FBXL13: variants seen among roughly 807,000 people sequenced by gnomAD.
FBXL13 encodes the protein F-box and leucine-rich repeat protein 13.
In FBXL13, 67 loss-of-function variants were observed where a neutral mutation model predicts 83.6. The ratio of observed to expected loss-of-function variants is 0.80; its 90% CI spans 0.66 to 0.98. The LOEUF is 0.98. FBXL13 is among the 50% of genes least tolerant of loss of function. FBXL13 has a pLI of 0.00. For missense variants in FBXL13, 822 were observed against 866.5 expected, an observed-to-expected ratio of 0.95 and a Z score of 0.64; for synonymous variants, 272 against 299.5, an observed-to-expected ratio of 0.91 and a Z score of 0.95.
intron 17 of FBXL13, among the ~76,000 whole-genome samples, chr7:102,848,697 T>C (rs1353449900): frequency 6.9e-6 from 1 of 144,946 alleles, no homozygotes; most frequent in African/African-American, 2.5e-5. Context: ...ATTAAGAGTA[T>C]AAAAAGCAAC....
At chr7:102,930,146 T>C (rs1291707333) in intron 9 of FBXL13, among the ~76,000 whole-genome samples, 2 of 152,074 alleles carry the variant, frequency 1.3e-5, no homozygotes, top group Non-Finnish European at 2.9e-5. Context: ...GAGTAGAATT[T>C]TGAAAGAAAA....
chr7:102,922,977 C>T (rs1418732540), intron 10 of FBXL13, among the ~76,000 whole-genome samples: 1 of 150,676 alleles, frequency 6.6e-6, no homozygotes, highest in Non-Finnish European at 1.5e-5. Flanking sequence ...GACTCCGTCT[C>T]AACAAAAAAA....
At chr7:103,069,309 C>T (rs371283632) in intron 1 of FBXL13, among the ~76,000 whole-genome samples, 1 of 152,230 alleles carries the variant, frequency 6.6e-6, no homozygotes, top group African/African-American at 2.4e-5. Context: ...CGCCTTTGCC[C>T]GGCCGTTGTG....
intron 6 of FBXL13, among the ~76,000 whole-genome samples, chr7:102,976,792 T>C (rs1827535154): frequency 6.6e-6 from 1 of 152,200 alleles, no homozygotes; most frequent in Non-Finnish European, 1.5e-5. Flanking sequence ...ACTCCCCTTT[T>C]AACACACCAA....
intron 6 of FBXL13, among the ~76,000 whole-genome samples, chr7:102,969,820 G>GGAGGAGAGGA (rs560682044): frequency 7.8e-6 from 1 of 128,010 alleles, no homozygotes; most frequent in Non-Finnish European, 1.7e-5. Context: ...GAAAGGAAAG[G>GGAGGAGAGGA]GAGGAGAGGG....
intron 7 of FBXL13, among the ~76,000 whole-genome samples, chr7:102,966,146 C>G (rs897347870): frequency 2.6e-5 from 4 of 152,210 alleles, no homozygotes; most frequent in African/African-American, 7.2e-5. Flanking sequence ...TTCATCTTAC[C>G]AAACCTATCT....
chr7:103,033,309 A>G (rs570312803), intron 2 of FBXL13, among the ~76,000 whole-genome samples: 17 of 152,350 alleles, frequency 1.1e-4, no homozygotes, highest in African/African-American at 4.1e-4. Flanking sequence ...CTGCAGGCAG[A>G]ATCCAAAAGA....
chr7:103,050,272 T>C lies in FBXL13; in HGVS notation c.-1+5372A>G, dbSNP rs192969181. On this transcript the variant is annotated intron_variant, in intron 2 of 19. Transcript: ENST00000313221. The stretch of plus-strand genomic sequence containing the variant: ...AAAAAGAGGAAAAAAGCCAGAAATA[T>C]GACTGGTAAGAAATTCTTACCCTTT... Among the ~76,000 whole-genome samples, 109 of 152,296 alleles carry C rather than the reference T, an allele frequency of 7.2e-4. 4 individuals are homozygous for C. The East Asian group carries it at 0.012, about 16-fold the overall frequency.
At chr7:102,947,778 T>A (rs2129476608) in intron 8 of FBXL13, among the ~76,000 whole-genome samples, 1 of 146,714 alleles carries the variant, frequency 6.8e-6, no homozygotes, top group Middle Eastern at 3.5e-3. Context: ...GATATTTGGA[T>A]AAAATAAGTT....
At chr7:102,985,158 C>CCACA (rs1363874725) in intron 6 of FBXL13, among the ~76,000 whole-genome samples, 1 of 152,188 alleles carries the variant, frequency 6.6e-6, no homozygotes, top group Admixed American at 6.5e-5. Flanking sequence ...GGCTTCATAC[C>CCACA]CACACCACTG....
Position 102,934,488 on chromosome 7 carries a change from G to A in FBXL13, c.725-2555C>T, listed in dbSNP as rs200668231. 6.2e-6 allele frequency: 10 copies of A among 1,614,148 alleles called. No individual in the cohort carries two copies. The East Asian group carries it at 2.0e-4, about 32-fold the overall frequency. Reference sequence around the variant, plus strand: ...CGGAATTTGGGGAACTACGCCAAGTGTGAAAGTCCACAAGAACAAAAAAAT... The same window carrying A: ...CGGAATTTGGGGAACTACGCCAAGTATGAAAGTCCACAAGAACAAAAAAAT... On this transcript the variant is annotated intron_variant, in intron 8 of 19. Transcript: ENST00000313221.
At chr7:102,914,053 C>A (rs1413642159) in intron 10 of FBXL13, among the ~76,000 whole-genome samples, 2 of 152,168 alleles carry the variant, frequency 1.3e-5, no homozygotes, top group South Asian at 4.1e-4. Flanking sequence ...ATTTCCCAAG[C>A]CCTCCAAAGC....
At chr7:102,909,443 C>G (rs932638835) in intron 11 of FBXL13, among the ~76,000 whole-genome samples, 2 of 152,090 alleles carry the variant, frequency 1.3e-5, no homozygotes, top group Non-Finnish European at 2.9e-5. Context: ...ACTGCTTTTC[C>G]CTCGCAAGCA....
At chr7:102,817,627 T>A (rs1050875458) in intron 19 of FBXL13, among the ~76,000 whole-genome samples, 2 of 152,210 alleles carry the variant, frequency 1.3e-5, no homozygotes, top group Non-Finnish European at 2.9e-5. Flanking sequence ...AAGTTAAAAA[T>A]GTAGAAACTA....
chr7:102,934,480 C>T (rs1030917042), intron 8 of FBXL13: 51 of 1,613,974 alleles, frequency 3.2e-5, no homozygotes, highest in East Asian at 8.9e-5. Context: ...TGGGGAACTA[C>T]GCCAAGTGTG....
intron 11 of FBXL13, among the ~76,000 whole-genome samples, chr7:102,888,161 C>T (rs908823756): frequency 6.6e-6 from 1 of 152,112 alleles, no homozygotes; most frequent in Admixed American, 6.6e-5. Context: ...CTGTGTTGGA[C>T]AACTATGAGG....
intron 6 of FBXL13, among the ~76,000 whole-genome samples, chr7:102,992,603 C>G (rs1191563838): frequency 6.6e-6 from 1 of 152,108 alleles, no homozygotes; most frequent in Non-Finnish European, 1.5e-5. Flanking sequence ...CACTTGTAAA[C>G]TTTTTCCCTT....
chr7:103,063,147 G>A (rs1798080664), intron 1 of FBXL13, among the ~76,000 whole-genome samples: 1 of 152,160 alleles, frequency 6.6e-6, no homozygotes, highest in African/African-American at 2.4e-5. Flanking sequence ...GTATAACGGA[G>A]TCCACTTTCA....
At chr7:103,001,485 A>T (rs1309476231) in intron 6 of FBXL13, among the ~76,000 whole-genome samples, 1 of 152,158 alleles carries the variant, frequency 6.6e-6, no homozygotes, top group Admixed American at 6.5e-5. Context: ...TGCCTAGACG[A>T]CTGGTAAAGT....
Sources: allele counts gnomAD v4.1 joint callset (sites outside exome capture counted in the v4.1 genomes callset), GRCh38; gene constraint gnomAD v4.1.1; transcripts MANE v1.5; gene names NCBI Gene and HGNC (gene_info 2026-07-23, HGNC 2026-07-21).